PRSS23: variants seen among roughly 807,000 people sequenced by gnomAD.
The protein encoded by PRSS23 is protease, serine 23.
Under a neutral mutation model 34.7 loss-of-function variants are expected in PRSS23, and 25 were observed. The observed-to-expected ratio is 0.72, with a 90% confidence interval of 0.53 to 1.01. The LOEUF (loss-of-function observed/expected upper bound fraction) is 1.01, where lower values mean the gene tolerates loss of function less well. Among genes scored for constraint, PRSS23 ranks in the 50% least tolerant of loss-of-function variants. The pLI is 0.00. For missense variants in PRSS23, 445 were observed against 475.6 expected, an observed-to-expected ratio of 0.94 and a Z score of 0.60; for synonymous variants, 176 against 186.6, an observed-to-expected ratio of 0.94 and a Z score of 0.46.
At chr11:86,841,463 C>CA (rs1388487760) in intron 2 of PRSS23, among the ~76,000 whole-genome samples, 2 of 150,726 alleles carry the variant, frequency 1.3e-5, no homozygotes, top group Non-Finnish European at 3.0e-5. Context: ...AGATAAGAGA[C>CA]ACAAAAAACA....
In PRSS23 at chr11:86,847,875, C is replaced by T. The variant is rs561199478; in HGVS notation, c.206+24282C>T. ...TTCTTTGCCCTTCTTGACAATACTG[C>T]CCTGTGCCAAGCCTGCGAGCTTTGC... On this transcript the variant is annotated intron_variant, in intron 2 of 2. Coordinates refer to the PRSS23 transcript ENST00000533902. 2.0e-5 allele frequency among the ~76,000 whole-genome samples: 3 copies of T among 152,150 alleles called. No individual in the cohort carries two copies. In the South Asian group the frequency reaches 6.2e-4, roughly 32 times the overall value.
chr11:86,832,919 C>G, intron 2 of PRSS23: 2 of 347,288 alleles, frequency 5.8e-6, no homozygotes, highest in Non-Finnish European at 1.1e-5. Flanking sequence ...AGAAGGGTCA[C>G]AGAAGAAATT....
chr11:86,839,775 G>A (rs1194381669), intron 2 of PRSS23, among the ~76,000 whole-genome samples: 3 of 151,382 alleles, frequency 2.0e-5, no homozygotes, highest in Non-Finnish European at 4.4e-5. Flanking sequence ...CTACAAGCCA[G>A]AAGAGAGTGG....
intron 2 of PRSS23, among the ~76,000 whole-genome samples, chr11:86,906,160 G>A (rs187619703): frequency 1.3e-5 from 2 of 152,338 alleles, no homozygotes; most frequent in East Asian, 1.9e-4. Flanking sequence ...GGGGCCGGGG[G>A]GCGGGGGCAA....
Position 86,807,904 on chromosome 11 carries a change from T to C in PRSS23, c.261T>C (p.Tyr87=), listed in dbSNP as rs764969009. 1 of 1,614,162 alleles carries C rather than the reference T, an allele frequency of 6.2e-7. No homozygotes were observed. Among genetic ancestry groups the C allele is most frequent in the Non-Finnish European group, 8.5e-7 (1 of 1,180,032 alleles). The change falls in exon 2 of 2, where the codon TAT becomes TAC. Residue 87 remains tyrosine (Y), a synonymous_variant. Transcript: ENST00000280258. The part of the protein sequence containing the change: ...TYEEAKQYLS[Y]ETLYANGSRT... ...AAGAGGCCAAGCAATATCTGTCTTA[T>C]GAAACGCTCTATGCCAATGGCAGCC...
intron 2 of PRSS23, chr11:86,936,044 A>G (rs1949159784): frequency 6.6e-6 from 1 of 152,180 alleles, no homozygotes; most frequent in African/African-American, 2.4e-5. Flanking sequence ...TCAGTTTGCA[A>G]TGGCATCTCC....
At chr11:86,825,736 G>A (rs1261559245) in intron 2 of PRSS23, among the ~76,000 whole-genome samples, 1 of 151,836 alleles carries the variant, frequency 6.6e-6, no homozygotes, top group African/African-American at 2.4e-5. Context: ...ATTAAATAGG[G>A]AATCCTTTCC....
chr11:86,895,456 GTAT>G (rs926508824), intron 2 of PRSS23, among the ~76,000 whole-genome samples: 10 of 125,866 alleles, frequency 7.9e-5, no homozygotes, highest in African/African-American at 1.1e-4. Flanking sequence ...ATTTTTTACT[GTAT>G]TTATCCTTTA....
chr11:86,857,984 A>T (rs1366542279), intron 2 of PRSS23: 1 of 334,768 alleles, frequency 3.0e-6, no homozygotes, highest in Non-Finnish European at 5.9e-6. Context: ...GCCTTCTGGG[A>T]TATTGTTCCT....
intron 2 of PRSS23, among the ~76,000 whole-genome samples, chr11:86,859,994 C>A (rs1423385546): frequency 6.6e-6 from 1 of 151,824 alleles, no homozygotes; most frequent in Non-Finnish European, 1.5e-5. Context: ...GTGGTGTATA[C>A]CCAACCTGTG....
chr11:86,923,802 T>C (rs752287797), intron 2 of PRSS23, among the ~76,000 whole-genome samples: 35 of 152,356 alleles, frequency 2.3e-4, no homozygotes, highest in Non-Finnish European at 4.4e-4. Context: ...ACTTGGCTAA[T>C]GTCACCTGGC....
At chr11:86,927,201 A>G (rs1248550145) in intron 2 of PRSS23, among the ~76,000 whole-genome samples, 1 of 152,314 alleles carries the variant, frequency 6.6e-6, no homozygotes, top group African/African-American at 2.4e-5. Flanking sequence ...GAGGGAAAGA[A>G]TCAAGGGCTA....
intron 2 of PRSS23, among the ~76,000 whole-genome samples, chr11:86,943,825 C>A (rs550536981): frequency 2.0e-5 from 3 of 151,700 alleles, no homozygotes; most frequent in Non-Finnish European, 4.4e-5. Flanking sequence ...CTCATTGCAA[C>A]CTCTGCCTCC....
At chr11:86,929,209 T>C (rs1949105999) in intron 2 of PRSS23, among the ~76,000 whole-genome samples, 1 of 151,668 alleles carries the variant, frequency 6.6e-6, no homozygotes, top group Admixed American at 6.6e-5. Context: ...TAATCCCAGC[T>C]ACTGGGGTAG....
chr11:86,856,673 G>A (rs1315240516), intron 2 of PRSS23, among the ~76,000 whole-genome samples: 1 of 152,202 alleles, frequency 6.6e-6, no homozygotes, highest in Non-Finnish European at 1.5e-5. Context: ...AACAACCTTA[G>A]ACAAACCATT....
chr11:86,919,167 C>T (rs1401292901), intron 2 of PRSS23, among the ~76,000 whole-genome samples: 3 of 152,218 alleles, frequency 2.0e-5, no homozygotes, highest in Non-Finnish European at 4.4e-5. Context: ...CAGAAATTTG[C>T]CCACATCCTT....
intron 2 of PRSS23, among the ~76,000 whole-genome samples, chr11:86,900,781 CTT>C (rs60869425): frequency 2.1e-5 from 2 of 94,018 alleles, no homozygotes; most frequent in Non-Finnish European, 1.9e-5. Flanking sequence ...ATCTCTCTCT[CTT>C]TTTTTTTTTT....
At chr11:86,869,824 A>C (rs1948673218) in intron 2 of PRSS23, among the ~76,000 whole-genome samples, 1 of 152,204 alleles carries the variant, frequency 6.6e-6, no homozygotes, top group Non-Finnish European at 1.5e-5. Context: ...TGTCTCCTAG[A>C]TTATGAGCAC....
At chr11:86,820,855 A>G (rs1383286548) in intron 1 of PRSS23, among the ~76,000 whole-genome samples, 2 of 152,192 alleles carry the variant, frequency 1.3e-5, no homozygotes, top group African/African-American at 4.8e-5. Flanking sequence ...TGATCCAATG[A>G]TTGTTTAGCA....
Sources: allele counts gnomAD v4.1 joint callset (sites outside exome capture counted in the v4.1 genomes callset), GRCh38; gene constraint gnomAD v4.1.1; transcripts MANE v1.5; gene names NCBI Gene and HGNC (gene_info 2026-07-23, HGNC 2026-07-21).